Variants in TRPC4 observed in about 807,000 individuals in gnomAD.
TRPC4 encodes transient receptor potential cation channel subfamily C member 4.
In TRPC4, 49 loss-of-function variants were observed where a neutral mutation model predicts 99.4. The ratio of observed to expected loss-of-function variants is 0.49; its 90% CI spans 0.39 to 0.63. The LOEUF (loss-of-function observed/expected upper bound fraction) is 0.63. TRPC4 is among the 20% of genes least tolerant of loss of function. The pLI, the probability that TRPC4 is intolerant of heterozygous loss-of-function variation, is 0.00. For missense variants in TRPC4, 898 were observed against 1,152.9 expected (o/e 0.78, Z 3.20); for synonymous variants, 454 against 425.9 (o/e 1.07, Z -0.81).
chr13:37,675,042 AATG>A (rs1215475745), intron 4 of TRPC4, among the ~76,000 whole-genome samples: 147 of 152,284 alleles, frequency 9.7e-4, no homozygotes, highest in African/African-American at 3.4e-3. Context: ...TTTAGAGCCT[AATG>A]ATGAGAGAGA....
intron 3 of TRPC4, among the ~76,000 whole-genome samples, chr13:37,694,911 C>T (rs1436039977): frequency 2.0e-5 from 3 of 152,082 alleles, no homozygotes; most frequent in Non-Finnish European, 2.9e-5. Flanking sequence ...CACATATTCT[C>T]GTGGTAATTT....
intron 1 of TRPC4, among the ~76,000 whole-genome samples, chr13:37,819,894 A>G (rs1957966114): frequency 6.6e-6 from 1 of 151,972 alleles, no homozygotes; most frequent in Admixed American, 6.6e-5. Flanking sequence ...GAACTAAAAA[A>G]ACAAGGGCCA....
intron 1 of TRPC4, among the ~76,000 whole-genome samples, chr13:37,867,818 G>GT (rs1172758851): frequency 6.6e-6 from 1 of 152,068 alleles, no homozygotes; most frequent in Non-Finnish European, 1.5e-5. Flanking sequence ...ATAAGTTGTT[G>GT]TTTTTTAATA....
intron 1 of TRPC4, among the ~76,000 whole-genome samples, chr13:37,869,105 CG>C (rs1959980781): frequency 6.6e-6 from 1 of 152,078 alleles, no homozygotes; most frequent in Non-Finnish European, 1.5e-5. Context: ...TGTAATCGAT[CG>C]GTAGAACATT....
At chr13:37,754,209 A>G (rs906508703) in intron 2 of TRPC4, among the ~76,000 whole-genome samples, 2 of 151,918 alleles carry the variant, frequency 1.3e-5, no homozygotes, top group African/African-American at 2.4e-5. Flanking sequence ...TTATATCTCA[A>G]TCCCTCTCCT....
intron 8 of TRPC4, among the ~76,000 whole-genome samples, chr13:37,642,416 C>G (rs1304056214): frequency 6.6e-6 from 1 of 152,100 alleles, no homozygotes; most frequent in Non-Finnish European, 1.5e-5. Flanking sequence ...TACTGAGAAG[C>G]CACTCTGATT....
Position 37,839,204 on chromosome 13 carries a change from G to A in TRPC4, c.-28+30391C>T, listed in dbSNP as rs149283872. Among the ~76,000 whole-genome samples, 277 of 152,202 alleles carry A rather than the reference G, an allele frequency of 1.8e-3. 2 individuals carry two copies. Among genetic ancestry groups the A allele is most frequent in the African/African-American group, 6.2e-3 (256 of 41,524 alleles). ...ATGCCTTGATACCTTGTAGCTATTC[G>A]CATTCCCTCCTAGAGCCATCATGTG... On this transcript the variant is annotated intron_variant, in intron 1 of 10. Coordinates refer to ENST00000379705, the MANE Select transcript of TRPC4 (RefSeq NM_016179.4).
intron 3 of TRPC4, among the ~76,000 whole-genome samples, chr13:37,695,072 A>T (rs1295474113): frequency 3.9e-5 from 6 of 152,226 alleles, no homozygotes; most frequent in African/African-American, 1.4e-4. Flanking sequence ...AAAATTTTAT[A>T]TTATGGGATT....
At chr13:37,744,283 C>T (rs774436876) in intron 3 of TRPC4, among the ~76,000 whole-genome samples, 1 of 152,166 alleles carries the variant, frequency 6.6e-6, no homozygotes, top group African/African-American at 2.4e-5. Context: ...GACTTCTTAT[C>T]TTCCCATTTA....
intron 4 of TRPC4, among the ~76,000 whole-genome samples, chr13:37,691,341 T>G (rs1566099758): frequency 6.6e-6 from 1 of 152,112 alleles, no homozygotes; most frequent in Non-Finnish European, 1.5e-5. Flanking sequence ...CCTGACCTCG[T>G]GATCCGCCCG....
intron 2 of TRPC4, among the ~76,000 whole-genome samples, chr13:37,775,862 T>C (rs1956685982): frequency 6.6e-6 from 1 of 151,780 alleles, no homozygotes; most frequent in Admixed American, 6.6e-5. Flanking sequence ...ATATATCTAA[T>C]ATTTTTGCTT....
chr13:37,841,758 G>GC (rs1164966666), intron 1 of TRPC4, among the ~76,000 whole-genome samples: 1 of 151,984 alleles, frequency 6.6e-6, no homozygotes, highest in East Asian at 1.9e-4. Flanking sequence ...GTGAGGAGGT[G>GC]AACAGACTAA....
chr13:37,821,190 CCACACACACACACA>C (rs3086254), intron 1 of TRPC4, among the ~76,000 whole-genome samples: 33 of 135,936 alleles, frequency 2.4e-4, no homozygotes, highest in Non-Finnish European at 4.7e-4. Flanking sequence ...TTCACAATAG[CCACACACACACACA>C]CACACACACA....
intron 3 of TRPC4, among the ~76,000 whole-genome samples, chr13:37,732,656 C>T (rs992891803): frequency 2.0e-5 from 3 of 152,164 alleles, no homozygotes; most frequent in East Asian, 1.9e-4. Context: ...AAATCAGTAG[C>T]GCTTCTACAT....
At chr13:37,650,978 G>A (rs188661454) in intron 8 of TRPC4, among the ~76,000 whole-genome samples, 5 of 152,304 alleles carry the variant, frequency 3.3e-5, no homozygotes, top group Admixed American at 3.3e-4. Context: ...TTAAGACAGA[G>A]TATGCTAGTT....
Position 37,835,713 on chromosome 13 carries a change from T to C in TRPC4, c.-28+33882A>G, listed in dbSNP as rs187423601. ...GATAACAAATGTTTTGTATCCTAGCTATTCTCAAGCTTATTTTTAGATTCA... is the reference window on the plus strand; with the variant it reads ...GATAACAAATGTTTTGTATCCTAGCCATTCTCAAGCTTATTTTTAGATTCA... On this transcript the variant is annotated intron_variant, in intron 1 of 10. Coordinates refer to ENST00000379705, the MANE Select transcript of TRPC4 (RefSeq NM_016179.4). 7.2e-5 allele frequency among the ~76,000 whole-genome samples: 11 copies of C among 152,338 alleles called. No individual in the cohort carries two copies. The East Asian group carries it at 2.1e-3, about 29-fold the overall frequency.
intron 2 of TRPC4, among the ~76,000 whole-genome samples, chr13:37,749,410 C>A (rs1438595877): frequency 6.6e-6 from 1 of 151,982 alleles, no homozygotes; most frequent in Non-Finnish European, 1.5e-5. Context: ...CATTAATTGC[C>A]TGGCACCCAG....
chr13:37,704,843 T>A (rs1015158188), intron 3 of TRPC4, among the ~76,000 whole-genome samples: 1 of 152,094 alleles, frequency 6.6e-6, no homozygotes, highest in Non-Finnish European at 1.5e-5. Flanking sequence ...AAACATCAGA[T>A]GCATGGGAAT....
intron 1 of TRPC4, among the ~76,000 whole-genome samples, chr13:37,868,999 C>T (rs1245298790): frequency 6.6e-6 from 1 of 152,114 alleles, no homozygotes; most frequent in Non-Finnish European, 1.5e-5. Flanking sequence ...TCATTGGAAT[C>T]TCGGTTGCCA....
Sources: gnomAD v4.1 joint callset for allele counts (sites outside exome capture counted in the v4.1 genomes callset) on GRCh38, gnomAD v4.1.1 for gene constraint, MANE v1.5 for transcripts, NCBI Gene and HGNC (gene_info 2026-07-23, HGNC 2026-07-21) for gene names.